The following TAFA1 variants were observed in gnomAD, a reference collection of about 807,000 sequenced individuals.
TAFA1 encodes chemokine-like protein TAFA-1.
In TAFA1, 4 loss-of-function variants were observed where a neutral mutation model predicts 18.5. The observed-to-expected ratio is 0.22, with a 90% CI of 0.11 to 0.49. The LOEUF (loss-of-function observed/expected upper bound fraction) is 0.49. Ranked by LOEUF, TAFA1 falls within the 20% of genes least tolerant of loss-of-function variation. The pLI is 0.98. For missense variants in TAFA1, 147 were observed against 169.0 expected (o/e 0.87, Z 0.72); for synonymous variants, 56 against 55.2 (o/e 1.01, Z -0.06).
intron 2 of TAFA1, among the ~76,000 whole-genome samples, chr3:68,202,802 T>A (rs2066483336): frequency 6.6e-6 from 1 of 151,742 alleles, no homozygotes; most frequent in Admixed American, 6.6e-5. Context: ...GTAATTGATA[T>A]GTTGTTACTT....
chr3:68,129,804 A>T lies in TAFA1; in HGVS notation c.118+123060A>T, dbSNP rs575608677. Reference sequence around the variant, plus strand: ...TGGGTTCCATGGGAATCGTAACCACATGGCCTGAAAGAAAAAAGTTCCTTC... The same window carrying T: ...TGGGTTCCATGGGAATCGTAACCACTTGGCCTGAAAGAAAAAAGTTCCTTC... On this transcript the variant is annotated intron_variant, in intron 2 of 4. Coordinates refer to ENST00000478136, the MANE Select transcript of TAFA1 (RefSeq NM_213609.4). 8.5e-5 allele frequency among the ~76,000 whole-genome samples: 13 copies of T among 152,276 alleles called. No individual in the cohort carries two copies. In the East Asian group the frequency reaches 2.3e-3, roughly 27 times the overall value.
At chr3:68,219,073 A>T (rs990824885) in intron 2 of TAFA1, among the ~76,000 whole-genome samples, 1 of 151,964 alleles carries the variant, frequency 6.6e-6, no homozygotes. Context: ...ACCATTAGAA[A>T]TCCTCTTCAT....
chr3:68,031,573 C>T (rs766915956), intron 2 of TAFA1, among the ~76,000 whole-genome samples: 2 of 152,008 alleles, frequency 1.3e-5, no homozygotes, highest in African/African-American at 2.4e-5. Flanking sequence ...AGGAGATGGC[C>T]GGGAGAAAGA....
chr3:68,421,237 G>A (rs1177931863), intron 3 of TAFA1, among the ~76,000 whole-genome samples: 2 of 152,142 alleles, frequency 1.3e-5, no homozygotes, highest in African/African-American at 2.4e-5. Context: ...CTTTGGTGTG[G>A]TTGGTTCAAA....
chr3:68,328,928 T>C lies in TAFA1; in HGVS notation c.119-88352T>C, dbSNP rs149115684. On this transcript the variant is annotated intron_variant, in intron 2 of 4. Coordinates refer to ENST00000478136, the MANE Select transcript of TAFA1 (RefSeq NM_213609.4). ...AAAATGTTATGAAATAAAAATCAAATAGGAAGGCAAAAACAAAATGGCATC... is the reference window on the plus strand; with the variant it reads ...AAAATGTTATGAAATAAAAATCAAACAGGAAGGCAAAAACAAAATGGCATC... Among the ~76,000 whole-genome samples, 662 of 151,628 alleles carry C rather than the reference T, an allele frequency of 4.4e-3. 1 individual carries two copies. The highest frequency in any genetic ancestry group is 7.9e-3 in the Non-Finnish European group (539 of 67,886).
In TAFA1 at chr3:68,417,373, C is replaced by A. The variant is rs370320623; in HGVS notation, c.212C>A (p.Pro71His). ...CAAACAGTAAAGTGTTCCTGTCTAC[C>A]TGGAAAAGTGGCTGGAACAACAAGA... is the stretch of plus-strand genomic sequence containing the variant. ...RSQTVKCSCL[P>H]GKVAGTTRNR... The change falls in exon 3 of 5, where the codon CCT (proline) becomes CAT (histidine). Residue 71 changes from proline (P) to histidine (H), a missense_variant. Coordinates refer to ENST00000478136, the MANE Select transcript of TAFA1 (RefSeq NM_213609.4). The A allele has an allele frequency of 1.2e-6, 2 of 1,613,516 alleles. No individual in the cohort carries two copies. Among genetic ancestry groups the A allele is most frequent in the Non-Finnish European group, 1.7e-6 (2 of 1,179,648 alleles).
intron 2 of TAFA1, among the ~76,000 whole-genome samples, chr3:68,189,232 C>T (rs544126527): frequency 3.3e-5 from 5 of 151,926 alleles, no homozygotes; most frequent in Admixed American, 3.3e-4. Flanking sequence ...GTGCAATAAC[C>T]AGCACTTTCC....
chr3:68,497,941 G>T (rs2072578284), intron 3 of TAFA1, among the ~76,000 whole-genome samples: 1 of 152,090 alleles, frequency 6.6e-6, no homozygotes, highest in Admixed American at 6.6e-5. Flanking sequence ...ATCTCCACCT[G>T]GTAACCCACT....
chr3:68,533,084 C>CAA (rs57101788), intron 3 of TAFA1, among the ~76,000 whole-genome samples: 1,360 of 90,666 alleles, frequency 0.015, 32 homozygotes, highest in African/African-American at 0.046. Flanking sequence ...GTAAGGAGAA[C>CAA]AAAAAAAAAA....
intron 2 of TAFA1, among the ~76,000 whole-genome samples, chr3:68,040,784 A>C (rs970722000): frequency 6.6e-6 from 1 of 152,230 alleles, no homozygotes; most frequent in Non-Finnish European, 1.5e-5. Flanking sequence ...TTTGATGAAC[A>C]CTAATGATTG....
intron 3 of TAFA1, among the ~76,000 whole-genome samples, chr3:68,474,362 G>C (rs898228776): frequency 6.6e-6 from 1 of 152,286 alleles, no homozygotes; most frequent in South Asian, 2.1e-4. Flanking sequence ...ATCCATTCGA[G>C]AATCTGAAGC....
chr3:68,321,330 A>G (rs1047224758), intron 2 of TAFA1, among the ~76,000 whole-genome samples: 6 of 152,198 alleles, frequency 3.9e-5, no homozygotes, highest in African/African-American at 1.4e-4. Flanking sequence ...CTTAGTTGTA[A>G]GATTTAATAA....
At chr3:68,198,480 T>C (rs1261781204) in intron 2 of TAFA1, among the ~76,000 whole-genome samples, 1 of 151,700 alleles carries the variant, frequency 6.6e-6, no homozygotes, top group East Asian at 1.9e-4. Context: ...ATATTTTGCA[T>C]TCCCACCAGC....
chr3:68,317,696 G>T (rs552357115), intron 2 of TAFA1, among the ~76,000 whole-genome samples: 47 of 152,296 alleles, frequency 3.1e-4, no homozygotes, highest in African/African-American at 1.1e-3. Flanking sequence ...CAGGCCCAGT[G>T]CTAAATGAAA....
intron 3 of TAFA1, among the ~76,000 whole-genome samples, chr3:68,518,433 T>A (rs1176483212): frequency 6.6e-6 from 1 of 152,210 alleles, no homozygotes; most frequent in Non-Finnish European, 1.5e-5. Context: ...TGATAGTTTT[T>A]TAAGGATATG....
rs978048982 is a variant in TAFA1, at chr3:68,402,140, G to GACT, written c.119-15139_119-15138insCTA. ...ACTAGCTCTGCAGTTTGAAATTAGT[G>GACT]AGCATGAGATTTCCAGAGAGGAGGA... On this transcript the variant is annotated intron_variant, in intron 2 of 4. Coordinates refer to ENST00000478136, the MANE Select transcript of TAFA1 (RefSeq NM_213609.4). Among the ~76,000 whole-genome samples, 79 of 152,284 alleles carry GACT rather than the reference G, an allele frequency of 5.2e-4. 1 individual carries two copies. The highest frequency in any genetic ancestry group is 5.2e-3 in the Admixed American group (79 of 15,298).
intron 3 of TAFA1, among the ~76,000 whole-genome samples, chr3:68,490,062 T>C (rs1386551566): frequency 2.0e-5 from 3 of 152,228 alleles, no homozygotes; most frequent in Non-Finnish European, 2.9e-5. Context: ...TTGCCAATGA[T>C]AGAGCTCAAG....
At chr3:68,155,395 T>C (rs2106929173) in intron 2 of TAFA1, among the ~76,000 whole-genome samples, 1 of 152,286 alleles carries the variant, frequency 6.6e-6, no homozygotes, top group South Asian at 2.1e-4. Context: ...AGTTTGTAGA[T>C]TCTGTCTTGC....
At chr3:68,084,087 T>C (rs1320447897) in intron 2 of TAFA1, among the ~76,000 whole-genome samples, 1 of 152,158 alleles carries the variant, frequency 6.6e-6, no homozygotes, top group Admixed American at 6.5e-5. Context: ...ATTGGCTGGG[T>C]ACCCTCAGTT....
Sources: gnomAD v4.1 joint callset for allele counts (sites outside exome capture counted in the v4.1 genomes callset) on GRCh38, gnomAD v4.1.1 for gene constraint, MANE v1.5 for transcripts, NCBI Gene and HGNC (gene_info 2026-07-23, HGNC 2026-07-21) for gene names.